The following CYB5RL variants were observed in gnomAD, a reference collection of about 807,000 sequenced individuals.
CYB5RL encodes NADH-cytochrome b5 reductase-like.
Under a neutral mutation model 37.5 loss-of-function variants are expected in CYB5RL, and 38 were observed. That is an observed-to-expected ratio of 1.01 (90% CI 0.78 to 1.33). The LOEUF is 1.33. Among genes scored for constraint, CYB5RL ranks in the 40% most tolerant of loss-of-function variants. The pLI, the probability that CYB5RL is intolerant of heterozygous loss-of-function variation, is 0.00. For synonymous variants in CYB5RL, 141 were observed against 151.9 expected, an observed-to-expected ratio of 0.93 and a Z score of 0.53; for missense variants, 388 against 394.4, an observed-to-expected ratio of 0.98 and a Z score of 0.14.
chr1:54,196,271 T>G (rs1644006998), intron 2 of CYB5RL, 98 bp downstream of exon 2: 1 of 152,414 alleles, frequency 6.6e-6, no homozygotes, highest in Non-Finnish European at 1.5e-5. Context: ...CACTGCAGCC[T>G]CAACCTCCTG....
chr1:54,193,540 A>G (rs1480158097), intron 3 of CYB5RL, among the ~76,000 whole-genome samples: 3 of 152,210 alleles, frequency 2.0e-5, no homozygotes, highest in African/African-American at 4.8e-5. Flanking sequence ...GCAGAAATAC[A>G]AGGAGACACT....
rs1245936666 is a variant in CYB5RL, at chr1:54,171,426, G to A, written c.*3193C>T. On this transcript the variant is annotated 3_prime_UTR_variant, in exon 8 of 8. Transcript: ENST00000534324. ...TTTGTGTGTGGGGAAAACTGGTCTG[G>A]TCTCAGCGTGGAGGTGGCATGGAGA... is the stretch of plus-strand genomic sequence containing the variant. 1 of 456,264 alleles carries A rather than the reference G, an allele frequency of 2.2e-6. No individual in the cohort carries two copies. Among genetic ancestry groups the A allele is most frequent in the Non-Finnish European group, 4.4e-6 (1 of 226,798 alleles). The allele number at this position is 456,264 out of a possible 1,614,324, so 28.3% of individuals were successfully genotyped here. A position where few individuals can be genotyped will look rare whatever the true frequency, so the allele number is the denominator to read the frequency against.
intron 7 of CYB5RL, among the ~76,000 whole-genome samples, chr1:54,177,565 G>A (rs1660050574): frequency 6.6e-6 from 1 of 152,120 alleles, no homozygotes; most frequent in African/African-American, 2.4e-5. Context: ...CACAGCCTTT[G>A]AACAGGACCT....
At chr1:54,179,024 C>T in intron 7 of CYB5RL, 125 bp downstream of exon 7, 1 of 1,129,490 alleles carries the variant, frequency 8.9e-7, no homozygotes, top group Non-Finnish European at 1.3e-6. Context: ...GGTGGGTGCT[C>T]CACCAGTGGC....
intron 7 of CYB5RL, among the ~76,000 whole-genome samples, chr1:54,177,144 G>A (rs1660041396): frequency 6.6e-6 from 1 of 152,112 alleles, no homozygotes; most frequent in South Asian, 2.1e-4. Flanking sequence ...GCCAGGCAAG[G>A]GCTAGAAACA....
intron 1 of CYB5RL, among the ~76,000 whole-genome samples, chr1:54,198,027 CAAAAAAAAAAAA>C (rs575486117): frequency 5.1e-5 from 4 of 78,534 alleles, no homozygotes; most frequent in South Asian, 3.4e-4. Context: ...GACTCTGTCT[CAAAAAAAAAAAA>C]AAAAAAAAAA....
chr1:54,198,579 C>A (rs1205663642), intron 1 of CYB5RL, among the ~76,000 whole-genome samples: 3 of 151,124 alleles, frequency 2.0e-5, no homozygotes, highest in Non-Finnish European at 4.4e-5. Context: ...GATCCACCTG[C>A]CTCGGCCTCC....
At position 54,195,434 on chromosome 1, in the gene CYB5RL, A is replaced by G. The variant is rs945559156; in HGVS notation, c.183T>C (p.Arg61=). The stretch of plus-strand genomic sequence containing the variant: ...CCTCTCTCACCTGTGACTCTGGCCC[A>G]CGCAGCAGGCTCCTGTCCTTGCTGG... ...AQASKDRSLL[R]GPESQSCPSK... Residue 61 remains arginine, a synonymous_variant, in exon 3 of 8, where the codon CGT becomes CGC. Transcript: ENST00000534324. 2.5e-6 allele frequency: 4 copies of G among 1,600,956 alleles called. No homozygotes were observed. The highest frequency in any genetic ancestry group is 1.7e-4 in the Middle Eastern group (1 of 6,008).
At chr1:54,185,641 T>A (rs955079) in intron 5 of CYB5RL, 6,607 of 152,212 alleles carry the variant, frequency 0.043, 377 homozygotes, top group East Asian at 0.26. Context: ...AGGGGTCTAG[T>A]AGGAAAGGTG....
intron 7 of CYB5RL, among the ~76,000 whole-genome samples, chr1:54,177,200 G>A (rs985699333): frequency 6.6e-6 from 1 of 152,134 alleles, no homozygotes; most frequent in Non-Finnish European, 1.5e-5. Context: ...CAGGAGGCAG[G>A]ACAAATCAGC....
chr1:54,194,354 G>A (rs1167483689), intron 3 of CYB5RL, among the ~76,000 whole-genome samples: 1 of 150,608 alleles, frequency 6.6e-6, no homozygotes, highest in Non-Finnish European at 1.5e-5. Flanking sequence ...TGGGCAACAA[G>A]AGCAAAACTC....
In CYB5RL at chr1:54,195,476, C is replaced by T; in HGVS notation, c.141G>A (p.Arg47=). Residue 47 remains arginine, a synonymous_variant, in exon 3 of 8, where the codon AGG becomes AGA. Transcript: ENST00000534324. ...VFDLYHRDLA[R]WEAAQASKDR... is the part of the protein sequence containing the mutation. Reference sequence around the variant, plus strand: ...CCTTGCTGGCTTGGGCTGCCTCCCACCTTGCCAGATCTCGGTGATAGAGGT... The same window carrying T: ...CCTTGCTGGCTTGGGCTGCCTCCCATCTTGCCAGATCTCGGTGATAGAGGT... The T allele has an allele frequency of 6.2e-7, 1 of 1,612,964 alleles. No homozygotes were observed. The highest frequency in any genetic ancestry group is 8.5e-7 in the Non-Finnish European group (1 of 1,179,430).
chr1:54,192,017 G>C (rs1218371718), intron 3 of CYB5RL, among the ~76,000 whole-genome samples: 1 of 151,910 alleles, frequency 6.6e-6, no homozygotes, highest in Non-Finnish European at 1.5e-5. Context: ...TTACCATGAG[G>C]GTCAGATGAG....
intron 4 of CYB5RL, among the ~76,000 whole-genome samples, chr1:54,188,579 T>C (rs1055289697): frequency 4.6e-5 from 7 of 152,176 alleles, no homozygotes; most frequent in African/African-American, 7.2e-5. Context: ...GTAATAGCCA[T>C]GGTGTATTAA....
chr1:54,191,139 C>T (rs772857207), intron 3 of CYB5RL, among the ~76,000 whole-genome samples: 1 of 152,170 alleles, frequency 6.6e-6, no homozygotes, highest in Admixed American at 6.5e-5. Context: ...GGGTAAAATG[C>T]GGGCTCCTTC....
intron 5 of CYB5RL, chr1:54,185,143 A>G (rs1418432158): frequency 6.6e-6 from 1 of 152,258 alleles, no homozygotes; most frequent in Non-Finnish European, 1.5e-5. Context: ...TAAGGAGCTT[A>G]CAATCTAGAA....
At chr1:54,197,387 G>C (rs909767928) in intron 1 of CYB5RL, among the ~76,000 whole-genome samples, 1 of 142,686 alleles carries the variant, frequency 7.0e-6, no homozygotes, top group African/African-American at 2.6e-5. Flanking sequence ...ACAGTAGCAT[G>C]ATCTTGACTC....
chr1:54,183,082 C>G (rs967542076), intron 6 of CYB5RL, among the ~76,000 whole-genome samples: 3 of 152,144 alleles, frequency 2.0e-5, no homozygotes, highest in Non-Finnish European at 4.4e-5. Flanking sequence ...TGCATTTTAA[C>G]TTAATTTCCC....
intron 3 of CYB5RL, among the ~76,000 whole-genome samples, chr1:54,192,790 G>C (rs7537833): frequency 0.38 from 56,340 of 150,188 alleles, 10,643 homozygotes; most frequent in South Asian, 0.48. Context: ...GAGTGTTGCT[G>C]TGTCGCCCAG....
Sources: allele counts gnomAD v4.1 joint callset (sites outside exome capture counted in the v4.1 genomes callset), GRCh38; gene constraint gnomAD v4.1.1; transcripts MANE v1.5; gene names NCBI Gene and HGNC (gene_info 2026-07-23, HGNC 2026-07-21).